The following NDUFS4 variants were observed in gnomAD, a reference collection of about 807,000 sequenced individuals.
NDUFS4 encodes the protein NADH dehydrogenase [ubiquinone] iron-sulfur protein 4, mitochondrial.
Under a neutral mutation model 24.3 loss-of-function variants are expected in NDUFS4, and 28 were observed. That is an observed-to-expected ratio of 1.15 (90% CI 0.85 to 1.58). NDUFS4 has a LOEUF of 1.58. Among genes scored for constraint, NDUFS4 ranks in the 40% most tolerant of loss-of-function variants. The pLI, the probability that NDUFS4 is intolerant of heterozygous loss-of-function variation, is 0.00. For missense variants in NDUFS4, 223 were observed against 207.9 expected (o/e 1.07, Z -0.45); for synonymous variants, 93 against 69.7 (o/e 1.34, Z -1.67).
chr5:53,630,480 A>G (rs1751379502), intron 2 of NDUFS4, among the ~76,000 whole-genome samples: 1 of 152,140 alleles, frequency 6.6e-6, no homozygotes, highest in Admixed American at 6.5e-5. Flanking sequence ...GTGTTTTCCA[A>G]CTTGTTTCCA....
intron 1 of NDUFS4, chr5:53,573,497 C>T: frequency 2.4e-6 from 1 of 409,202 alleles, no homozygotes; most frequent in Non-Finnish European, 4.8e-6. Context: ...TTTGAGCGTG[C>T]AGATCCTGTA....
intron 2 of NDUFS4, among the ~76,000 whole-genome samples, chr5:53,627,358 A>G (rs956976414): frequency 6.6e-6 from 1 of 152,174 alleles, no homozygotes; most frequent in Non-Finnish European, 1.5e-5. Flanking sequence ...TGTCTTGGCT[A>G]TGTGGGCTCC....
intron 2 of NDUFS4, among the ~76,000 whole-genome samples, chr5:53,629,682 T>C (rs2112488177): frequency 6.6e-6 from 1 of 152,334 alleles, no homozygotes; most frequent in Admixed American, 6.5e-5. Context: ...GTCTGTTTTA[T>C]CAGAGACTAG....
Position 53,683,157 on chromosome 5 carries a change from C to T in NDUFS4, c.464C>T (p.Pro155Leu). The T allele has an allele frequency of 1.2e-6, 2 of 1,612,396 alleles. No individual in the cohort carries two copies. Among genetic ancestry groups the T allele is most frequent in the Non-Finnish European group, 1.7e-6 (2 of 1,178,816 alleles). Residue 155 changes from proline to leucine, a missense_variant, in exon 5 of 5, where the codon CCC becomes CTC. Physicochemically the swap from Pro to Leu is moderately conservative, Grantham distance 98. Coordinates refer to ENST00000296684, the MANE Select transcript of NDUFS4 (RefSeq NM_002495.4). Reference protein sequence around the residue: ...YDIEERKVPKPKSKSYGANFS... With the variant: ...YDIEERKVPKLKSKSYGANFS... ...ATTGAAGAGAGGAAGGTTCCAAAAC[C>T]CAAGTCCAAGTCTTATGGTGCAAAC... is the stretch of plus-strand genomic sequence containing the variant.
intron 4 of NDUFS4, among the ~76,000 whole-genome samples, chr5:53,681,125 C>G (rs2607505): frequency 0.41 from 62,434 of 151,754 alleles, 14,020 homozygotes; most frequent in East Asian, 0.62. Flanking sequence ...AATTTGAGGA[C>G]CAAATAATAC....
Position 53,627,214 on chromosome 5 carries a change from G to T in NDUFS4, c.178-19019G>T, listed in dbSNP as rs547417426. Reference sequence around the variant, plus strand: ...GTAGATATGTGGGGTTGTTTCTGAGGCCTCTGTTCTGTTCCATTGGTCTAT... The same window carrying T: ...GTAGATATGTGGGGTTGTTTCTGAGTCCTCTGTTCTGTTCCATTGGTCTAT... On this transcript the variant is annotated intron_variant, in intron 2 of 4. Transcript: ENST00000296684. Among the ~76,000 whole-genome samples the T allele has an allele frequency of 9.2e-5, 14 of 152,022 alleles. No homozygotes were observed. In the South Asian group the frequency reaches 1.2e-3, roughly 14 times the overall value.
At chr5:53,650,792 T>C (rs1035859371) in intron 3 of NDUFS4, among the ~76,000 whole-genome samples, 1 of 152,228 alleles carries the variant, frequency 6.6e-6, no homozygotes, top group Non-Finnish European at 1.5e-5. Context: ...GTGGATTGTT[T>C]AAATAAATAC....
At chr5:53,676,809 G>T (rs924154527) in intron 4 of NDUFS4, among the ~76,000 whole-genome samples, 4 of 152,142 alleles carry the variant, frequency 2.6e-5, no homozygotes, top group African/African-American at 9.7e-5. Flanking sequence ...CATTGATTTA[G>T]GAGTCACAAA....
At chr5:53,578,886 G>A (rs949111401) in intron 1 of NDUFS4, among the ~76,000 whole-genome samples, 34 of 151,208 alleles carry the variant, frequency 2.2e-4, no homozygotes, top group African/African-American at 6.8e-4. Context: ...CCTGGATTTC[G>A]TCTTACTTAT....
chr5:53,631,555 G>A (rs1469265989), intron 2 of NDUFS4, among the ~76,000 whole-genome samples: 5 of 152,212 alleles, frequency 3.3e-5, no homozygotes, highest in Admixed American at 2.0e-4. Flanking sequence ...GACTGGGGCT[G>A]CTTGCCTTTT....
chr5:53,611,108 A>G (rs1750680890), intron 2 of NDUFS4, among the ~76,000 whole-genome samples: 1 of 151,838 alleles, frequency 6.6e-6, no homozygotes, highest in South Asian at 2.1e-4. Context: ...TTACTGTTAC[A>G]TTTTAGAATT....
chr5:53,566,422 C>T (rs1749027071), intron 1 of NDUFS4, among the ~76,000 whole-genome samples: 1 of 152,142 alleles, frequency 6.6e-6, no homozygotes, highest in African/African-American at 2.4e-5. Flanking sequence ...TACTCTGTAT[C>T]AGCTACTGTG....
At chr5:53,605,956 G>A (rs1271278351) in intron 2 of NDUFS4, among the ~76,000 whole-genome samples, 1 of 150,854 alleles carries the variant, frequency 6.6e-6, no homozygotes. Flanking sequence ...AGAGCTTGCA[G>A]TGAGCCAAGA....
At chr5:53,580,773 C>CTT (rs1396265426) in intron 1 of NDUFS4, among the ~76,000 whole-genome samples, 5 of 139,370 alleles carry the variant, frequency 3.6e-5, no homozygotes, top group Non-Finnish European at 6.1e-5. Context: ...TTCTTTCTTT[C>CTT]TCTCTCTCTT....
chr5:53,638,551 T>C (rs2112498173), intron 2 of NDUFS4, among the ~76,000 whole-genome samples: 1 of 151,846 alleles, frequency 6.6e-6, no homozygotes, highest in South Asian at 2.1e-4. Context: ...CTACTTGAGG[T>C]AGGAGGGTGG....
At chr5:53,602,249 G>T (rs1470949426) in intron 1 of NDUFS4, among the ~76,000 whole-genome samples, 1 of 152,074 alleles carries the variant, frequency 6.6e-6, no homozygotes, top group African/African-American at 2.4e-5. Flanking sequence ...ATTAAGAGTT[G>T]CTTAATTATA....
At chr5:53,647,990 T>G (rs1751914522) in intron 3 of NDUFS4, among the ~76,000 whole-genome samples, 1 of 152,174 alleles carries the variant, frequency 6.6e-6, no homozygotes, top group South Asian at 2.1e-4. Flanking sequence ...AATTAGAACA[T>G]CACAAAAATA....
intron 1 of NDUFS4, among the ~76,000 whole-genome samples, chr5:53,587,791 C>T (rs1749811110): frequency 1.3e-5 from 2 of 152,074 alleles, no homozygotes; most frequent in Admixed American, 1.3e-4. Context: ...GTTGCCCAGG[C>T]TGGTCTTGAA....
At chr5:53,666,429 C>T (rs80122956) in intron 4 of NDUFS4, among the ~76,000 whole-genome samples, 2,595 of 152,238 alleles carry the variant, frequency 0.017, 71 homozygotes, top group African/African-American at 0.059. Flanking sequence ...AACTGAGGAA[C>T]ACTATCAAAG....
Sources: allele counts gnomAD v4.1 joint callset (sites outside exome capture counted in the v4.1 genomes callset), GRCh38; gene constraint gnomAD v4.1.1; transcripts MANE v1.5; gene names NCBI Gene and HGNC (gene_info 2026-07-23, HGNC 2026-07-21).